The following ABHD3 variants were observed in gnomAD, a reference collection of about 807,000 sequenced individuals.
ABHD3 encodes abhydrolase domain containing 3, phospholipase, also known as phospholipase ABHD3.
A neutral mutation model predicts 48.8 loss-of-function variants in ABHD3; 46 were observed. The ratio of observed to expected loss-of-function variants is 0.94; its 90% CI spans 0.74 to 1.20. ABHD3 has a LOEUF of 1.20. Among genes scored for constraint, ABHD3 ranks in the 50% most tolerant of loss-of-function variants. The pLI is 0.00. For synonymous variants in ABHD3, 192 were observed against 183.7 expected (o/e 1.04, Z -0.36); for missense variants, 490 against 497.8 (o/e 0.98, Z 0.15).
chr18:21,693,437 C>CTT (rs2040297407), intron 3 of ABHD3, among the ~76,000 whole-genome samples: 1 of 152,210 alleles, frequency 6.6e-6, no homozygotes, highest in South Asian at 2.1e-4. Context: ...AACCACCTCA[C>CTT]TTCACTGCCC....
At chr18:21,665,769 G>A (rs905858443) in intron 4 of ABHD3, among the ~76,000 whole-genome samples, 13 of 150,140 alleles carry the variant, frequency 8.7e-5, no homozygotes, top group African/African-American at 2.7e-4. Flanking sequence ...CTGAGATCAC[G>A]CCACTGCACT....
intron 6 of ABHD3, 62 bp downstream of exon 6, chr18:21,659,108 G>C (rs980381342): frequency 1.1e-5 from 17 of 1,512,724 alleles, no homozygotes; most frequent in African/African-American, 2.8e-5. Context: ...CAAAGTGCTG[G>C]GATTACAGGC....
chr18:21,682,252 A>G (rs2040019879), intron 4 of ABHD3: 1 of 152,260 alleles, frequency 6.6e-6, no homozygotes, highest in Admixed American at 6.5e-5. Context: ...TTACATAAAT[A>G]TTAGATAAAA....
chr18:21,682,936 A>G (rs978852469), intron 4 of ABHD3: 1 of 152,204 alleles, frequency 6.6e-6, no homozygotes, highest in Non-Finnish European at 1.5e-5. Context: ...CACTTGAGTA[A>G]GACCATAACA....
intron 2 of ABHD3, 111 bp from the exon 3 acceptor site, chr18:21,702,609 G>T (rs2146342414): frequency 2.0e-6 from 2 of 993,824 alleles, no homozygotes; most frequent in Non-Finnish European, 2.8e-6. Context: ...CATTTTTCCA[G>T]CATTCACGAA....
Position 21,704,576 on chromosome 18 carries a change from C to G in ABHD3, c.90G>C (p.Ser30=). The G allele has an allele frequency of 1.3e-6, 2 of 1,545,738 alleles. No individual in the cohort carries two copies. Among genetic ancestry groups the G allele is most frequent in the African/African-American group, 2.8e-5 (2 of 70,594 alleles). The change falls in exon 1 of 9, where the codon TCG becomes TCC. Residue 30 remains serine, a synonymous_variant. Transcript: ENST00000289119. ...CCAGGATAAGGGATAAGCCCACCCC[C>G]GAGCCGAAGAACCCCACCCGGACTT... The part of the protein sequence containing the change: ...EHQVRVGFFG[S]GVGLSLILGF...
At chr18:21,653,114 A>C (rs1364831799) in intron 8 of ABHD3, among the ~76,000 whole-genome samples, 1 of 146,640 alleles carries the variant, frequency 6.8e-6, no homozygotes, top group Admixed American at 6.9e-5. Flanking sequence ...CTGTAATCCC[A>C]GTGCTTTGGG....
intron 4 of ABHD3, among the ~76,000 whole-genome samples, chr18:21,670,255 G>A (rs2039726936): frequency 6.6e-6 from 1 of 152,136 alleles, no homozygotes; most frequent in Non-Finnish European, 1.5e-5. Flanking sequence ...CCCTCAAAAA[G>A]GCATACGTGG....
chr18:21,678,618 A>G (rs1406696089), intron 4 of ABHD3, among the ~76,000 whole-genome samples: 2 of 103,518 alleles, frequency 1.9e-5, no homozygotes, highest in Admixed American at 9.5e-5. Flanking sequence ...TGGCTGAGTT[A>G]TTTGTAAATT....
intron 3 of ABHD3, among the ~76,000 whole-genome samples, chr18:21,691,932 C>T (rs2146328655): frequency 6.6e-6 from 1 of 152,176 alleles, no homozygotes; most frequent in East Asian, 1.9e-4. Flanking sequence ...ATATGTTTAT[C>T]TGTAATAAGC....
In ABHD3 at chr18:21,704,774, T is replaced by C; in HGVS notation, c.-109A>G. The C allele has an allele frequency of 9.6e-7, 1 of 1,042,318 alleles. No individual in the cohort carries two copies. The highest frequency in any genetic ancestry group is 1.2e-6 in the Non-Finnish European group (1 of 810,054). 64.6% of individuals were successfully genotyped at this position (1,042,318 alleles called of 1,614,324 possible). On this transcript the variant is annotated 5_prime_UTR_variant, in exon 1 of 9. Coordinates refer to ENST00000289119, the MANE Select transcript of ABHD3 (RefSeq NM_138340.5). Reference sequence around the variant, plus strand: ...CGCCGCTGCCTACTCCCGACCACAGTGTCTCCTGCCTGGCGGAGCGCGGCT... The same window carrying C: ...CGCCGCTGCCTACTCCCGACCACAGCGTCTCCTGCCTGGCGGAGCGCGGCT...
At chr18:21,670,661 C>T (rs1437056545) in intron 4 of ABHD3, among the ~76,000 whole-genome samples, 3 of 152,156 alleles carry the variant, frequency 2.0e-5, no homozygotes, top group Admixed American at 6.6e-5. Context: ...CACCTGTGAC[C>T]TTCACCTGCC....
At chr18:21,656,714 T>C (rs1568135591) in intron 8 of ABHD3, 147 bp downstream of exon 8, 2 of 755,750 alleles carry the variant, frequency 2.6e-6, no homozygotes, top group African/African-American at 1.8e-5. Flanking sequence ...TTTAAGTGAT[T>C]TGAGACATTT....
intron 3 of ABHD3, among the ~76,000 whole-genome samples, chr18:21,697,694 C>T (rs914180401): frequency 2.0e-5 from 3 of 152,158 alleles, no homozygotes; most frequent in African/African-American, 7.2e-5. Context: ...TTCTATTTAC[C>T]TTTGACTTAC....
intron 4 of ABHD3, among the ~76,000 whole-genome samples, chr18:21,668,160 C>T (rs2039677527): frequency 7.1e-6 from 1 of 141,748 alleles, no homozygotes; most frequent in African/African-American, 2.7e-5. Flanking sequence ...GAGATCACAC[C>T]ACTGCACTCC....
intron 1 of ABHD3, 80 bp downstream of exon 1, chr18:21,704,424 T>C (rs891488591): frequency 8.1e-7 from 1 of 1,239,360 alleles, no homozygotes; most frequent in Non-Finnish European, 1.0e-6. Flanking sequence ...CGACCGCCCC[T>C]GGCCGCGCAG....
intron 8 of ABHD3, among the ~76,000 whole-genome samples, chr18:21,653,702 C>T (rs963180831): frequency 4.2e-5 from 6 of 142,322 alleles, no homozygotes; most frequent in African/African-American, 1.6e-4. Context: ...GCCTGGGCAG[C>T]ATAGCGAGAC....
chr18:21,651,384 CTA>C lies in ABHD3; in HGVS notation c.*205_*206del. 2.3e-6 allele frequency: 1 copy of C among 430,656 alleles called. No homozygotes were observed. The highest frequency in any genetic ancestry group is 4.0e-6 in the Non-Finnish European group (1 of 250,536). The allele number at this position is 430,656 out of a possible 1,614,324, so 26.7% of individuals were successfully genotyped here. On this transcript the variant is annotated 3_prime_UTR_variant, in exon 9 of 9. Transcript: ENST00000289119. ...TGGTAAGGCATAGTAAAAATAAAATCTACGTAAGTAACAATCTAATACTATAT... is the reference window on the plus strand; with the variant it reads ...TGGTAAGGCATAGTAAAAATAAAATCCGTAAGTAACAATCTAATACTATAT...
At chr18:21,651,818 A>T in intron 8 of ABHD3, 55 bp from the exon 9 acceptor site, 1 of 1,457,288 alleles carries the variant, frequency 6.9e-7, no homozygotes, top group Non-Finnish European at 9.2e-7. Context: ...AGAAAAATAT[A>T]ATCATTATGT....
Sources: gnomAD v4.1 joint callset for allele counts (sites outside exome capture counted in the v4.1 genomes callset) on GRCh38, gnomAD v4.1.1 for gene constraint, MANE v1.5 for transcripts, NCBI Gene and HGNC (gene_info 2026-07-23, HGNC 2026-07-21) for gene names.